The following ZMYM4 variants were observed in gnomAD, a reference collection of about 807,000 sequenced individuals.
ZMYM4 encodes the protein zinc finger MYM-type protein 4.
ZMYM4 carries 31 observed loss-of-function variants against 183.2 expected under a neutral mutation model. The observed-to-expected ratio is 0.17, with a 90% CI of 0.13 to 0.23. ZMYM4 has a LOEUF of 0.23. ZMYM4 is among the 10% of genes least tolerant of loss of function. The pLI, the probability that ZMYM4 is intolerant of heterozygous loss-of-function variation, is 1.00. For missense variants in ZMYM4, 1,273 were observed against 1,840.3 expected, an observed-to-expected ratio of 0.69 and a Z score of 5.64; for synonymous variants, 592 against 631.2, an observed-to-expected ratio of 0.94 and a Z score of 0.93.
rs1255688086 is a variant in ZMYM4 at position 35,421,746 on chromosome 1, G to A, written c.*2069G>A. 2 of 152,136 alleles carry A rather than the reference G, an allele frequency of 1.3e-5. No homozygotes were observed. The highest frequency in any genetic ancestry group is 4.8e-5 in the African/African-American group (2 of 41,432). The allele number at this position is 152,136 out of a possible 1,614,324, so 9.4% of individuals were successfully genotyped here. ...TCCTCATAAGTGTAGCTGTTGATGT[G>A]TGCGTCTGATTATTGCTTTTTTAAT... On this transcript the variant is annotated 3_prime_UTR_variant, in exon 30 of 30. Transcript: ENST00000314607.
intron 1 of ZMYM4, among the ~76,000 whole-genome samples, chr1:35,298,385 C>T (rs1012176847): frequency 6.6e-6 from 1 of 152,118 alleles, no homozygotes; most frequent in Admixed American, 6.5e-5. Context: ...GCACTCCAGC[C>T]TGGGCAACAG....
chr1:35,329,786 T>C (rs910341518), intron 2 of ZMYM4, among the ~76,000 whole-genome samples: 1 of 151,956 alleles, frequency 6.6e-6, no homozygotes, highest in Non-Finnish European at 1.5e-5. Flanking sequence ...ACTCCTGGGG[T>C]CAAGCAGTCC....
chr1:35,355,797 A>G (rs934917655), intron 2 of ZMYM4, among the ~76,000 whole-genome samples: 3 of 152,146 alleles, frequency 2.0e-5, no homozygotes, highest in Admixed American at 2.0e-4. Flanking sequence ...ATTCTTCCGT[A>G]GTTTATTTAA....
chr1:35,326,627 G>C (rs1012358395), intron 2 of ZMYM4, among the ~76,000 whole-genome samples: 1 of 152,112 alleles, frequency 6.6e-6, no homozygotes. Context: ...TATCCTGGCA[G>C]CCTCAGGGCA....
chr1:35,301,816 C>T (rs1210391558), intron 1 of ZMYM4, among the ~76,000 whole-genome samples: 1 of 152,116 alleles, frequency 6.6e-6, no homozygotes, highest in Admixed American at 6.6e-5. Context: ...ACCCTGTTTC[C>T]TCAACTTCGG....
At position 35,284,009 on chromosome 1, in the gene ZMYM4, G is replaced by A. The variant is rs1185212848; in HGVS notation, c.39+14924G>A. 6.0e-5 allele frequency among the ~76,000 whole-genome samples: 9 copies of A among 150,444 alleles called. No homozygotes were observed. The East Asian group carries it at 7.9e-4, about 13-fold the overall frequency. The stretch of plus-strand genomic sequence containing the variant: ...TTTTGAGACGGAGTCTCGCTCTGTC[G>A]CCCAGGCTGGACTGCGGACTGCAGT... On this transcript the variant is annotated intron_variant, in intron 1 of 29. Coordinates refer to ENST00000314607, the MANE Select transcript of ZMYM4 (RefSeq NM_005095.3).
At position 35,421,306 on chromosome 1, in the gene ZMYM4, A is replaced by G. The variant is rs1230554692; in HGVS notation, c.*1629A>G. The stretch of plus-strand genomic sequence containing the variant: ...TTGTTACCAAGAACTGTATGAAAGA[A>G]GTAAATCCACCCCGATTCTGTATGA... On this transcript the variant is annotated 3_prime_UTR_variant, in exon 30 of 30. Transcript: ENST00000314607. The G allele has an allele frequency of 1.3e-5, 2 of 152,636 alleles. No homozygotes were observed. Among genetic ancestry groups the G allele is most frequent in the Non-Finnish European group, 2.9e-5 (2 of 68,036 alleles). 9.5% of individuals were successfully genotyped at this position (152,636 alleles called of 1,614,324 possible). A position where few individuals can be genotyped will look rare whatever the true frequency, so the allele number is the denominator to read the frequency against.
intron 29 of ZMYM4, 79 bp downstream of exon 29, chr1:35,418,651 A>G (rs1401686139): frequency 1.2e-5 from 18 of 1,563,010 alleles, no homozygotes; most frequent in Non-Finnish European, 1.6e-5. Flanking sequence ...TGAACATCAG[A>G]AAAGTAGCTT....
At chr1:35,403,069 T>A (rs1023896949) in intron 23 of ZMYM4, among the ~76,000 whole-genome samples, 2 of 152,362 alleles carry the variant, frequency 1.3e-5, no homozygotes, top group East Asian at 1.9e-4. Context: ...GAAAGTTTTT[T>A]AAATCATGAT....
rs531739940 is a variant in ZMYM4 at position 35,382,477 on chromosome 1, G to A, written c.1569+719G>A. Among the ~76,000 whole-genome samples the A allele has an allele frequency of 1.8e-4, 27 of 148,570 alleles. No homozygotes were observed. In the East Asian group the frequency reaches 4.5e-3, roughly 25 times the overall value. On this transcript the variant is annotated intron_variant, in intron 9 of 29. Coordinates refer to ENST00000314607, the MANE Select transcript of ZMYM4 (RefSeq NM_005095.3). ...TGGCTTTTTTTTTTTTTGAGATGGA[G>A]CCTTGCACTGTCTCCCAGGCTGGAG...
intron 7 of ZMYM4, among the ~76,000 whole-genome samples, chr1:35,377,788 G>C (rs1156840587): frequency 6.6e-6 from 1 of 152,194 alleles, no homozygotes; most frequent in Non-Finnish European, 1.5e-5. Context: ...TCAGGGTGAT[G>C]GTTGCTGAAG....
intron 2 of ZMYM4, among the ~76,000 whole-genome samples, chr1:35,346,299 A>G (rs1383889874): frequency 2.0e-5 from 3 of 152,202 alleles, no homozygotes; most frequent in Non-Finnish European, 4.4e-5. Context: ...TTTATGATCA[A>G]TATTTTAACT....
intron 1 of ZMYM4, among the ~76,000 whole-genome samples, chr1:35,293,686 G>C (rs147046020): frequency 6.6e-6 from 1 of 152,048 alleles, no homozygotes; most frequent in African/African-American, 2.4e-5. Flanking sequence ...AGTAGGTTTC[G>C]ATAGGTTTAG....
At chr1:35,369,249 A>G (rs767596491) in intron 5 of ZMYM4, among the ~76,000 whole-genome samples, 5 of 152,232 alleles carry the variant, frequency 3.3e-5, no homozygotes, top group Admixed American at 1.3e-4. Context: ...TTAGAATGCA[A>G]TTGTATAATT....
rs1279609201 is a variant in ZMYM4, at chr1:35,387,507, A to C, written c.2166A>C (p.Ile722=). 1.2e-6 allele frequency: 2 copies of C among 1,613,126 alleles called. No individual in the cohort carries two copies. Among genetic ancestry groups the C allele is most frequent in the Non-Finnish European group, 1.7e-6 (2 of 1,179,812 alleles). ...GKNCSDEYKK[I]NNVMAMCEYC... ...ATTGTTCTGATGAATATAAGAAAAT[A>C]AATAATGTAATGGCAATGTGTGAAT... The change falls in exon 13 of 30, where the codon ATA becomes ATC. Residue 722 remains isoleucine, a synonymous_variant. Coordinates refer to ENST00000314607, the MANE Select transcript of ZMYM4 (RefSeq NM_005095.3).
rs540923818 is a variant in ZMYM4 at position 35,389,689 on chromosome 1, A to T, written c.2437-259A>T. ...AGAATTGCATGAACCCAGGAGGTGG[A>T]GCTTGCAGTGAGCTGAGATCACGCC... On this transcript the variant is annotated intron_variant, in intron 14 of 29. Transcript: ENST00000314607. This position sits in a 1 kb window ranked among gnomAD's most constrained non-coding sequence, Gnocchi z 4.0. Among the ~76,000 whole-genome samples, 2 of 150,882 alleles carry T rather than the reference A, an allele frequency of 1.3e-5. No homozygotes were observed. Among genetic ancestry groups the T allele is most frequent in the South Asian group, 2.1e-4 (1 of 4,774 alleles).
intron 2 of ZMYM4, among the ~76,000 whole-genome samples, chr1:35,336,052 G>A (rs753612410): frequency 5.9e-5 from 9 of 152,148 alleles, no homozygotes; most frequent in Non-Finnish European, 1.0e-4. Flanking sequence ...TTTTCATCCT[G>A]CAAAAGTGAA....
At chr1:35,373,010 T>C (rs1018710548) in intron 7 of ZMYM4, among the ~76,000 whole-genome samples, 2 of 151,864 alleles carry the variant, frequency 1.3e-5, no homozygotes, top group African/African-American at 2.4e-5. Flanking sequence ...AATACAAAAA[T>C]TAGCTGGGCC....
chr1:35,360,321 T>C (rs774520170), intron 3 of ZMYM4, among the ~76,000 whole-genome samples: 4 of 152,096 alleles, frequency 2.6e-5, no homozygotes, highest in Non-Finnish European at 5.9e-5. Context: ...TTACTCATCT[T>C]TGTATTCTTG....
Sources: allele counts gnomAD v4.1 joint callset (sites outside exome capture counted in the v4.1 genomes callset), GRCh38; gene constraint gnomAD v4.1.1; non-coding constraint Gnocchi (gnomAD v3.1); transcripts MANE v1.5; gene names NCBI Gene and HGNC (gene_info 2026-07-23, HGNC 2026-07-21).